The following GFM1 variants were observed in gnomAD, a reference collection of about 807,000 sequenced individuals.
The protein encoded by GFM1 is elongation factor G, mitochondrial.
In GFM1, 62 loss-of-function variants were observed where a neutral mutation model predicts 96.2. The ratio of observed to expected loss-of-function variants is 0.64; its 90% CI spans 0.53 to 0.80. GFM1 has a LOEUF of 0.80. Ranked by LOEUF, GFM1 falls within the 30% of genes least tolerant of loss-of-function variation. The pLI is 0.00. For missense variants in GFM1, 852 were observed against 916.6 expected (o/e 0.93, Z 0.91); for synonymous variants, 282 against 312.9 (o/e 0.90, Z 1.04).
intron 15 of GFM1, among the ~76,000 whole-genome samples, chr3:158,688,118 G>T (rs1386383325): frequency 6.6e-6 from 1 of 152,044 alleles, no homozygotes; most frequent in Non-Finnish European, 1.5e-5. Context: ...CCATATTCTT[G>T]ATTTAAAAAA....
At chr3:158,669,332 A>C (rs772651882) in intron 13 of GFM1, 6 of 1,303,374 alleles carry the variant, frequency 4.6e-6, no homozygotes, top group Non-Finnish European at 6.3e-6. Flanking sequence ...AAAGCCTGTA[A>C]GTTTCTAACA....
chr3:158,647,019 T>G, intron 4 of GFM1, 72 bp downstream of exon 4: 3 of 1,151,988 alleles, frequency 2.6e-6, no homozygotes, highest in Non-Finnish European at 3.9e-6. Context: ...AAAGGGTGAT[T>G]AATTCACTGT....
chr3:158,652,006 AAT>A (rs1443264210), intron 5 of GFM1, 88 bp from the exon 6 acceptor site: 2 of 1,152,138 alleles, frequency 1.7e-6, no homozygotes, highest in African/African-American at 3.1e-5. Flanking sequence ...TACCTAAAAA[AAT>A]ATTTTAACCA....
intron 8 of GFM1, chr3:158,657,327 A>G (rs1417270066): frequency 6.6e-6 from 1 of 152,176 alleles, no homozygotes; most frequent in Non-Finnish European, 1.5e-5. Context: ...TTATTGAGTT[A>G]AAGGCATAGA....
At position 158,644,530 on chromosome 3, in the gene GFM1, C is replaced by A; in HGVS notation, c.-105C>A. On this transcript the variant is annotated 5_prime_UTR_variant, in exon 1 of 18. Transcript: ENST00000486715. ...TCGCGTCCTTTGCCCCGGAAGTGCT[C>A]TTACAACATTGGCTGCCGGCGTGAC... The A allele has an allele frequency of 1.1e-6, 1 of 884,274 alleles. No individual in the cohort carries two copies. Among genetic ancestry groups the A allele is most frequent in the South Asian group, 1.5e-5 (1 of 67,848 alleles). 54.8% of individuals were successfully genotyped at this position (884,274 alleles called of 1,614,324 possible).
At chr3:158,659,298 A>T (rs890217512) in intron 9 of GFM1, among the ~76,000 whole-genome samples, 1 of 152,182 alleles carries the variant, frequency 6.6e-6, no homozygotes, top group Non-Finnish European at 1.5e-5. Context: ...TCAAGGGCCA[A>T]GGTTAAGGAA....
At chr3:158,677,907 CAA>C (rs1725038525) in intron 13 of GFM1, among the ~76,000 whole-genome samples, 1 of 152,186 alleles carries the variant, frequency 6.6e-6, no homozygotes, top group South Asian at 2.1e-4. Context: ...TTCAAATCTT[CAA>C]AAGACAGGCT....
intron 13 of GFM1, among the ~76,000 whole-genome samples, chr3:158,675,210 C>T (rs1332193750): frequency 6.9e-6 from 1 of 145,892 alleles, no homozygotes; most frequent in African/African-American, 2.5e-5. Flanking sequence ...TGCTTGAACC[C>T]AGGAGGCGGA....
chr3:158,660,640 T>G, intron 9 of GFM1: 1 of 526,866 alleles, frequency 1.9e-6, no homozygotes, highest in South Asian at 2.1e-5. Flanking sequence ...GAGTTTTCTG[T>G]TTAAAGTAAA....
intron 15 of GFM1, among the ~76,000 whole-genome samples, chr3:158,687,194 A>G (rs1360865163): frequency 6.6e-6 from 1 of 151,782 alleles, no homozygotes; most frequent in Non-Finnish European, 1.5e-5. Flanking sequence ...TATTTTTTGT[A>G]GAGGTGGGGT....
At chr3:158,652,328 A>G (rs1265098165) in intron 6 of GFM1, 82 bp downstream of exon 6, 14 of 1,146,484 alleles carry the variant, frequency 1.2e-5, no homozygotes, top group Non-Finnish European at 1.6e-5. Flanking sequence ...TGATGCTTTT[A>G]TGTATGGGCT....
chr3:158,658,456 G>A (rs1722941678), intron 8 of GFM1, among the ~76,000 whole-genome samples: 1 of 152,054 alleles, frequency 6.6e-6, no homozygotes, highest in African/African-American at 2.4e-5. Flanking sequence ...TGAGCGACCA[G>A]CCCAGCCACA....
At chr3:158,661,782 C>T (rs1576749477) in intron 10 of GFM1, among the ~76,000 whole-genome samples, 2 of 152,254 alleles carry the variant, frequency 1.3e-5, no homozygotes, top group African/African-American at 2.4e-5. Context: ...TGACCCAACT[C>T]TAACAGAATA....
At position 158,660,915 on chromosome 3, in the gene GFM1, T is replaced by G; in HGVS notation, c.1263T>G (p.Phe421Leu). The G allele has an allele frequency of 6.2e-7, 1 of 1,614,164 alleles. No homozygotes were observed. Among genetic ancestry groups the G allele is most frequent in the African/African-American group, 1.3e-5 (1 of 75,054 alleles). Residue 421 changes from phenylalanine (F) to leucine (L), a missense_variant, in exon 10 of 18, where the codon TTT becomes TTG. Physicochemically the swap from Phe to Leu is conservative, Grantham distance 22 (BLOSUM62 0). Coordinates refer to ENST00000486715, the MANE Select transcript of GFM1 (RefSeq NM_024996.7). ...ATGCCGGAGACATCTGTGCATTGTT[T>G]GGCATTGACTGTGCTAGTGGAGACA... ...EVYAGDICALFGIDCASGDTF... is the reference protein window; with the variant it reads ...EVYAGDICALLGIDCASGDTF...
chr3:158,687,358 C>G (rs1273852171), intron 15 of GFM1, among the ~76,000 whole-genome samples: 1 of 152,026 alleles, frequency 6.6e-6, no homozygotes, highest in African/African-American at 2.4e-5. Context: ...AAGCAGGATG[C>G]TAGCATGAGA....
Position 158,690,160 on chromosome 3 carries a change from C to G in GFM1, c.1910-3C>G, listed in dbSNP as rs764642354. ...AATGAACTTTTTTTTTTTTTTAACC[C>G]AGCCTTGGCAAATGCAACATTATGT... is the stretch of plus-strand genomic sequence containing the variant. On this transcript the variant is annotated splice_polypyrimidine_tract_variant and splice_region_variant and intron_variant, in intron 15 of 17. Transcript: ENST00000486715. The G allele has an allele frequency of 9.9e-6, 16 of 1,609,078 alleles. No individual in the cohort carries two copies. Among genetic ancestry groups the G allele is most frequent in the Non-Finnish European group, 1.4e-5 (16 of 1,177,814 alleles).
chr3:158,674,955 T>G (rs1724743064), intron 13 of GFM1, among the ~76,000 whole-genome samples: 2 of 152,124 alleles, frequency 1.3e-5, no homozygotes, highest in Non-Finnish European at 2.9e-5. Flanking sequence ...ATTAATGTGG[T>G]CAAATGAACT....
In GFM1 at chr3:158,652,015, AC is replaced by A; in HGVS notation, c.690-79del. The A allele has an allele frequency of 4.1e-6, 5 of 1,227,504 alleles. No homozygotes were observed. The Middle Eastern group carries it at 7.8e-4, about 192-fold the overall frequency. 76.0% of individuals were successfully genotyped at this position (1,227,504 alleles called of 1,614,324 possible). ...CTTTGTTACCTAAAAAAATATTTTA[AC>A]CATTAATCATATATTTTTCATTAGT... is the stretch of plus-strand genomic sequence containing the variant. On this transcript the variant is annotated intron_variant, in intron 5 of 17. Coordinates refer to ENST00000486715, the MANE Select transcript of GFM1 (RefSeq NM_024996.7).
Position 158,659,140 on chromosome 3 carries a change from A to G in GFM1, c.1221+81A>G, listed in dbSNP as rs1330387586. On this transcript the variant is annotated intron_variant, in intron 9 of 17. Transcript: ENST00000486715. ...CCTTCTTGGTATCCTGAGCCCCACT[A>G]GAAAATTAATTCTGGTTAAATATAT... 6 of 1,473,662 alleles carry G rather than the reference A, an allele frequency of 4.1e-6. No individual in the cohort carries two copies. The Admixed American group carries it at 5.1e-5, about 13-fold the overall frequency. The allele number at this position is 1,473,662 out of a possible 1,614,324, so 91.3% of individuals were successfully genotyped here.
Sources: allele counts gnomAD v4.1 joint callset (sites outside exome capture counted in the v4.1 genomes callset), GRCh38; gene constraint gnomAD v4.1.1; transcripts MANE v1.5; gene names NCBI Gene and HGNC (gene_info 2026-07-23, HGNC 2026-07-21).